EMILIN2: variants seen among roughly 807,000 people sequenced by gnomAD.
The protein encoded by EMILIN2 is elastin microfibril interfacer 2.
A neutral mutation model predicts 87.1 loss-of-function variants in EMILIN2; 71 were observed. The observed-to-expected ratio is 0.82, with a 90% confidence interval of 0.67 to 0.99. EMILIN2 has a LOEUF of 0.99. Among genes scored for constraint, EMILIN2 ranks in the 50% least tolerant of loss-of-function variants. EMILIN2 has a pLI of 0.00. For synonymous variants in EMILIN2, 581 were observed against 563.4 expected (o/e 1.03, Z -0.44); for missense variants, 1,407 against 1,371.8 (o/e 1.03, Z -0.40).
At chr18:2,883,092 C>T (rs1311931186) in intron 2 of EMILIN2, among the ~76,000 whole-genome samples, 4 of 152,050 alleles carry the variant, frequency 2.6e-5, no homozygotes, top group Non-Finnish European at 2.9e-5. Flanking sequence ...GTGGAAGGTG[C>T]TAGGAGGTCT....
rs1190417648 is a variant in EMILIN2 at position 2,880,433 on chromosome 18, G to A, written c.258-4531G>A. Among the ~76,000 whole-genome samples, 1 of 152,194 alleles carries A rather than the reference G, an allele frequency of 6.6e-6. No individual in the cohort carries two copies. Among genetic ancestry groups the A allele is most frequent in the Non-Finnish European group, 1.5e-5 (1 of 68,026 alleles). ...CAAAGGAGACTTGGCTGGAATGGGG[G>A]AGAGTTCACAGGGGCGAGGCGGCAG... is the stretch of plus-strand genomic sequence containing the variant. On this transcript the variant is annotated intron_variant, in intron 2 of 7. Coordinates refer to ENST00000254528, the MANE Select transcript of EMILIN2 (RefSeq NM_032048.3). This position sits in a 1 kb window ranked among gnomAD's most constrained non-coding sequence, Gnocchi z 4.1.
chr18:2,891,282 C>A lies in EMILIN2; in HGVS notation c.1155C>A (p.Ala385=). Residue 385 remains alanine, a synonymous_variant, in exon 4 of 8, where the codon GCC becomes GCA. Coordinates refer to ENST00000254528, the MANE Select transcript of EMILIN2 (RefSeq NM_032048.3). This position sits in a 1 kb window ranked among gnomAD's most constrained non-coding sequence, Gnocchi z 4.6. ...GAAAAGAAATAAATAACCTCCGAGC[C>A]CGGCTACAGGAGCCTTCAGCCCAGG... ...SLRKEINNLR[A]RLQEPSAQAN... 6.2e-7 allele frequency: 1 copy of A among 1,614,162 alleles called. No individual in the cohort carries two copies. The highest frequency in any genetic ancestry group is 8.5e-7 in the Non-Finnish European group (1 of 1,180,042).
intron 2 of EMILIN2, among the ~76,000 whole-genome samples, chr18:2,869,516 T>A (rs775924455): frequency 1.3e-5 from 2 of 152,218 alleles, no homozygotes; most frequent in African/African-American, 2.4e-5. Context: ...AATAGAGTCA[T>A]ACAGGTTGTA....
intron 2 of EMILIN2, among the ~76,000 whole-genome samples, chr18:2,858,342 T>G (rs2076638161): frequency 1.3e-5 from 2 of 150,672 alleles, no homozygotes; most frequent in Admixed American, 1.3e-4. Context: ...GTCCCCAAAG[T>G]CCACTGTGTC....
At chr18:2,867,398 AG>A (rs1332806666) in intron 2 of EMILIN2, among the ~76,000 whole-genome samples, 6 of 151,442 alleles carry the variant, frequency 4.0e-5, no homozygotes, top group Non-Finnish European at 8.8e-5. Context: ...TTTCTCGCAG[AG>A]GGGGATTTGG....
At chr18:2,888,914 A>G (rs1345928900) in intron 3 of EMILIN2, among the ~76,000 whole-genome samples, 3 of 152,146 alleles carry the variant, frequency 2.0e-5, no homozygotes, top group South Asian at 2.1e-4. Flanking sequence ...GGAGGAAAAA[A>G]CAATGATCGT....
intron 2 of EMILIN2, among the ~76,000 whole-genome samples, chr18:2,855,447 G>C (rs2076622063): frequency 6.6e-6 from 1 of 152,240 alleles, no homozygotes; most frequent in Admixed American, 6.5e-5. Context: ...CATTCAAATA[G>C]GGGTAATGGC....
chr18:2,912,414 A>G (rs620635), intron 7 of EMILIN2, among the ~76,000 whole-genome samples: 102,569 of 151,512 alleles, frequency 0.68, 34,912 homozygotes, highest in East Asian at 0.97. Flanking sequence ...GCAAGGTCCG[A>G]TGTCTGCTGC....
At chr18:2,882,596 A>T (rs1447207532) in intron 2 of EMILIN2, among the ~76,000 whole-genome samples, 1 of 151,980 alleles carries the variant, frequency 6.6e-6, no homozygotes, top group Non-Finnish European at 1.5e-5. Context: ...AATTTTTTTA[A>T]ATTGGCTGGG....
At chr18:2,867,344 GTCTT>G (rs1173801927) in intron 2 of EMILIN2, among the ~76,000 whole-genome samples, 3 of 150,034 alleles carry the variant, frequency 2.0e-5, no homozygotes, top group South Asian at 2.1e-4. Context: ...TTGTTTGTAG[GTCTT>G]TATTTATTTA....
At chr18:2,869,245 G>A (rs1365973308) in intron 2 of EMILIN2, among the ~76,000 whole-genome samples, 1 of 150,802 alleles carries the variant, frequency 6.6e-6, no homozygotes, top group Admixed American at 6.6e-5. Context: ...GATTTGAAGA[G>A]ATTTAAAAAT....
intron 6 of EMILIN2, 53 bp from the exon 7 acceptor site, chr18:2,909,638 C>T (rs1161981938): frequency 1.4e-5 from 22 of 1,595,940 alleles, no homozygotes; most frequent in South Asian, 1.1e-4. Flanking sequence ...AGGCCCTCCC[C>T]CTGGAGGACA....
At position 2,847,887 on chromosome 18, in the gene EMILIN2, G is replaced by A; in HGVS notation, c.213G>A (p.Gln71=). 1 of 1,613,202 alleles carries A rather than the reference G, an allele frequency of 6.2e-7. No homozygotes were observed. Among genetic ancestry groups the A allele is most frequent in the Non-Finnish European group, 8.5e-7 (1 of 1,179,654 alleles). ...GAAGTGAGAGTTTTATTCAGGCTCA[G>A]TACAACTGTGCCTGGAACCAGATGC... ...LEGSESFIQA[Q]YNCAWNQMPC... Residue 71 remains glutamine, a synonymous_variant, in exon 2 of 8, where the codon CAG becomes CAA. Coordinates refer to ENST00000254528, the MANE Select transcript of EMILIN2 (RefSeq NM_032048.3). The surrounding 1 kb of genome is among the most constrained non-coding windows in gnomAD (Gnocchi z 4.5).
In EMILIN2 at chr18:2,913,153, T is replaced by C. The variant is rs1490946695; in HGVS notation, c.2911T>C (p.Ser971Pro). Residue 971 changes from serine to proline, a missense_variant, in exon 8 of 8, where the codon TCG (serine) becomes CCG (proline). Ser to Pro is a moderately conservative substitution (Grantham distance 74). Transcript: ENST00000254528. ...AGACGCCTACGTGGAAGCAGTGCTGTCGGTCTCCAACGCCAGCGTGGCCCA... is the reference window on the plus strand; with the variant it reads ...AGACGCCTACGTGGAAGCAGTGCTGCCGGTCTCCAACGCCAGCGTGGCCCA... ...ERDAYVEAVL[S>P]VSNASVAQLH... 1.5e-5 allele frequency: 25 copies of C among 1,613,214 alleles called. No individual in the cohort carries two copies. Among genetic ancestry groups the C allele is most frequent in the East Asian group, 4.5e-5 (2 of 44,782 alleles).
rs556175728 is a variant in EMILIN2 at position 2,856,775 on chromosome 18, TAAC to T, written c.257+8850_257+8852del. Among the ~76,000 whole-genome samples, 73 of 152,312 alleles carry T rather than the reference TAAC, an allele frequency of 4.8e-4. 1 individual carries two copies. The highest frequency in any genetic ancestry group is 3.4e-3 in the Middle Eastern group (1 of 294). On this transcript the variant is annotated intron_variant, in intron 2 of 7. Transcript: ENST00000254528. ...TGAAGTAGTTTTCTGGGCTTAAAAA[TAAC>T]AACAAACCACTTGATAACATGGTAC...
chr18:2,847,081 C>A lies in EMILIN2; in HGVS notation c.-108C>A. 4 of 1,079,466 alleles carry A rather than the reference C, an allele frequency of 3.7e-6. No individual in the cohort carries two copies. Among genetic ancestry groups the A allele is most frequent in the Non-Finnish European group, 4.5e-6 (4 of 882,932 alleles). The allele number at this position is 1,079,466 out of a possible 1,614,324, so 66.9% of individuals were successfully genotyped here. A position where few individuals can be genotyped will look rare whatever the true frequency, so the allele number is the denominator to read the frequency against. ...GTTGGAGCGCCGCGAAGCGCCCGAG[C>A]CTCTTGCCTTCGCGGGCGGCGCCCT... is the stretch of plus-strand genomic sequence containing the variant. On this transcript the variant is annotated 5_prime_UTR_variant, in exon 1 of 8. Coordinates refer to ENST00000254528, the MANE Select transcript of EMILIN2 (RefSeq NM_032048.3). The surrounding 1 kb of genome is among the most constrained non-coding windows in gnomAD (Gnocchi z 4.5).
chr18:2,864,451 A>G (rs1218776756), intron 2 of EMILIN2, among the ~76,000 whole-genome samples: 7 of 152,134 alleles, frequency 4.6e-5, no homozygotes, highest in East Asian at 3.8e-4. Context: ...GCTTGTCTGT[A>G]AAGTATTTTA....
intron 2 of EMILIN2, among the ~76,000 whole-genome samples, chr18:2,855,092 A>G (rs2076620458): frequency 6.6e-6 from 1 of 152,190 alleles, no homozygotes; most frequent in Non-Finnish European, 1.5e-5. Flanking sequence ...GAGGGCTGGA[A>G]TCCCAGGCGC....
intron 2 of EMILIN2, among the ~76,000 whole-genome samples, chr18:2,869,159 T>C (rs1342863597): frequency 6.6e-6 from 1 of 152,212 alleles, no homozygotes; most frequent in Non-Finnish European, 1.5e-5. Context: ...TTAATGATGC[T>C]GATTTTAGTT....
Sources: allele counts gnomAD v4.1 joint callset (sites outside exome capture counted in the v4.1 genomes callset), GRCh38; gene constraint gnomAD v4.1.1; non-coding constraint Gnocchi (gnomAD v3.1); transcripts MANE v1.5; gene names NCBI Gene and HGNC (gene_info 2026-07-23, HGNC 2026-07-21).